The following GRIA1 variants were observed in gnomAD, a reference collection of about 807,000 sequenced individuals.
GRIA1 encodes glutamate ionotropic receptor AMPA type subunit 1, also known as glutamate receptor 1.
GRIA1 carries 31 observed loss-of-function variants against 99.2 expected under a neutral mutation model. That is an observed-to-expected ratio of 0.31 (90% CI 0.23 to 0.42). The LOEUF is 0.42. GRIA1 is among the 10% of genes least tolerant of loss of function. The pLI is 1.00. For missense variants in GRIA1, 782 were observed against 1,157.5 expected (o/e 0.68, Z 4.71); for synonymous variants, 438 against 432.4 (o/e 1.01, Z -0.16).
chr5:153,499,734 TAA>T (rs1429129736), intron 2 of GRIA1, among the ~76,000 whole-genome samples: 1 of 150,966 alleles, frequency 6.6e-6, no homozygotes, highest in Admixed American at 6.6e-5. Flanking sequence ...GCTTAAGAGC[TAA>T]GTCTTCCAAG....
chr5:153,566,742 G>A (rs1300929330), intron 2 of GRIA1, among the ~76,000 whole-genome samples: 2 of 119,178 alleles, frequency 1.7e-5, no homozygotes, highest in East Asian at 5.3e-4. Context: ...TTGAGACGGA[G>A]TTTTGCTCTT....
At chr5:153,753,616 C>T (rs1762631855) in intron 11 of GRIA1, among the ~76,000 whole-genome samples, 1 of 151,904 alleles carries the variant, frequency 6.6e-6, no homozygotes, top group Non-Finnish European at 1.5e-5. Context: ...CCTATTTCTC[C>T]CATCCATTTT....
chr5:153,600,182 A>T (rs1417192042), intron 2 of GRIA1, among the ~76,000 whole-genome samples: 1 of 151,896 alleles, frequency 6.6e-6, no homozygotes, highest in Non-Finnish European at 1.5e-5. Context: ...GCGAGGTCAG[A>T]AGATTGAGAC....
At chr5:153,745,589 C>CAAAAAAAAAAAAAAAAAAAAAA (rs58166158) in intron 11 of GRIA1, among the ~76,000 whole-genome samples, 3 of 100,888 alleles carry the variant, frequency 3.0e-5, no homozygotes, top group Non-Finnish European at 6.0e-5. Flanking sequence ...AACTCTGTCT[C>CAAAAAAAAAAAAAAAAAAAAAA]AAAAAAAAAA....
chr5:153,721,813 G>C (rs1760090079), intron 11 of GRIA1, among the ~76,000 whole-genome samples: 1 of 152,156 alleles, frequency 6.6e-6, no homozygotes, highest in Admixed American at 6.5e-5. Context: ...TATAAATAGG[G>C]CTGCTGTGAA....
intron 2 of GRIA1, among the ~76,000 whole-genome samples, chr5:153,552,861 T>C (rs1484080106): frequency 6.6e-6 from 1 of 152,224 alleles, no homozygotes; most frequent in Non-Finnish European, 1.5e-5. Flanking sequence ...GATGTCAAAA[T>C]GAAGCTTTCC....
At chr5:153,761,550 T>C (rs952756999) in intron 11 of GRIA1, among the ~76,000 whole-genome samples, 1 of 152,160 alleles carries the variant, frequency 6.6e-6, no homozygotes, top group Non-Finnish European at 1.5e-5. Context: ...GAAGGGGAAC[T>C]CTTATATGCC....
intron 2 of GRIA1, among the ~76,000 whole-genome samples, chr5:153,506,006 G>T (rs1755453671): frequency 6.6e-6 from 1 of 152,184 alleles, no homozygotes; most frequent in Admixed American, 6.5e-5. Flanking sequence ...GGGCAACTTG[G>T]ATTGAGAATC....
intron 14 of GRIA1, among the ~76,000 whole-genome samples, chr5:153,800,159 CACCTGCCCTCAG>C (rs954502095): frequency 9.9e-5 from 15 of 152,120 alleles, no homozygotes; most frequent in African/African-American, 2.7e-4. Flanking sequence ...TCTTTTTTAC[CACCTGCCCTCAG>C]GCCTGTCCCT....
chr5:153,766,671 T>C (rs1200923654), intron 12 of GRIA1, among the ~76,000 whole-genome samples: 1 of 152,208 alleles, frequency 6.6e-6, no homozygotes, highest in Non-Finnish European at 1.5e-5. Flanking sequence ...GTGGTGTCAT[T>C]AAACTGACAA....
intron 2 of GRIA1, among the ~76,000 whole-genome samples, chr5:153,596,579 G>C (rs534964492): frequency 3.3e-5 from 5 of 152,154 alleles, no homozygotes; most frequent in African/African-American, 4.8e-5. Context: ...CTAGAACTCA[G>C]CACTCCTGAC....
intron 15 of GRIA1, among the ~76,000 whole-genome samples, chr5:153,809,963 C>T (rs1047524209): frequency 6.6e-6 from 1 of 152,050 alleles, no homozygotes; most frequent in Non-Finnish European, 1.5e-5. Flanking sequence ...CCAAACCCCA[C>T]CTCAAAAATT....
In GRIA1 at chr5:153,770,350, G is replaced by T. The variant is rs1763794113; in HGVS notation, c.2205G>T (p.Met735Ile). The T allele has an allele frequency of 2.1e-5, 34 of 1,613,846 alleles. No individual in the cohort carries two copies. Among genetic ancestry groups the T allele is most frequent in the Non-Finnish European group, 2.8e-5 (33 of 1,179,882 alleles). ...AGCAGCGGAAACCCTGTGACACCAT[G>T]AAGGTGGGAGGTAACTTGGATTCCA... is the stretch of plus-strand genomic sequence containing the variant. ...YIEQRKPCDT[M>I]KVGGNLDSKG... Residue 735 changes from methionine (M) to isoleucine (I), a missense_variant, in exon 13 of 16, where the codon ATG becomes ATT. Physicochemically the swap from Met to Ile is conservative, Grantham distance 10. This residue lies in a region of GRIA1 where 119 missense variants were observed against 326.6 expected (regional missense o/e 0.36). Coordinates refer to ENST00000285900, the MANE Select transcript of GRIA1 (RefSeq NM_000827.4).
intron 9 of GRIA1, 48 bp downstream of exon 9, chr5:153,698,202 C>A: frequency 9.6e-7 from 1 of 1,046,398 alleles, no homozygotes. Context: ...CAAGCTAGGC[C>A]AGCACAAGGG....
intron 2 of GRIA1, among the ~76,000 whole-genome samples, chr5:153,533,249 G>A (rs1758246173): frequency 6.6e-6 from 1 of 152,142 alleles, no homozygotes; most frequent in Admixed American, 6.6e-5. Flanking sequence ...GGGAGCCCAT[G>A]CATTCTTCCA....
rs1756183268 is a variant in GRIA1 at position 153,671,621 on chromosome 5, C to A, written c.700-2879C>A. Among the ~76,000 whole-genome samples the A allele has an allele frequency of 2.0e-5, 3 of 152,336 alleles. 1 individual carries two copies. In the South Asian group the frequency reaches 6.2e-4, roughly 32 times the overall value. The stretch of plus-strand genomic sequence containing the variant: ...AAAGGTATTTTCAACCTGAATTTCT[C>A]TTTTCAACCAATTACAATCACCCAC... On this transcript the variant is annotated intron_variant, in intron 5 of 15. Coordinates refer to ENST00000285900, the MANE Select transcript of GRIA1 (RefSeq NM_000827.4).
Position 153,504,615 on chromosome 5 carries a change from G to T in GRIA1, c.220+10550G>T, listed in dbSNP as rs1400198221. Among the ~76,000 whole-genome samples the T allele has an allele frequency of 7.2e-5, 11 of 152,196 alleles. No homozygotes were observed. In the South Asian group the frequency reaches 2.1e-3, roughly 29 times the overall value. On this transcript the variant is annotated intron_variant, in intron 2 of 15. Coordinates refer to ENST00000285900, the MANE Select transcript of GRIA1 (RefSeq NM_000827.4). ...TCTGGTGGGTAAGTCAAGATCAGAA[G>T]TCAGGACAGGCAAAAGGTCTGAAAT... is the stretch of plus-strand genomic sequence containing the variant.
intron 5 of GRIA1, among the ~76,000 whole-genome samples, chr5:153,666,121 CA>C (rs990608120): frequency 3.9e-5 from 6 of 152,122 alleles, no homozygotes; most frequent in Non-Finnish European, 8.8e-5. Context: ...CTTTGATCCA[CA>C]AGACAAAAGC....
intron 15 of GRIA1, 134 bp from the exon 16 acceptor site, chr5:153,810,891 T>C: frequency 1.5e-6 from 1 of 675,146 alleles, no homozygotes; most frequent in Non-Finnish European, 2.7e-6. Context: ...GAAGTCAGAA[T>C]TAGCGTTGTA....
Sources: allele counts gnomAD v4.1 joint callset (sites outside exome capture counted in the v4.1 genomes callset), GRCh38; gene constraint gnomAD v4.1.1; regional missense constraint gnomAD v4.1.1; transcripts MANE v1.5; gene names NCBI Gene and HGNC (gene_info 2026-07-23, HGNC 2026-07-21).